The following TNPO3 variants were observed in gnomAD, a reference collection of about 807,000 sequenced individuals.
The protein encoded by TNPO3 is transportin 3, also known as transportin-3.
TNPO3 carries 65 observed loss-of-function variants against 122.8 expected under a neutral mutation model. The ratio of observed to expected loss-of-function variants is 0.53; its 90% confidence interval spans 0.43 to 0.65. The LOEUF is 0.65. Among genes scored for constraint, TNPO3 ranks in the 30% least tolerant of loss-of-function variants. The pLI is 0.00. For synonymous variants in TNPO3, 372 were observed against 411.2 expected, an observed-to-expected ratio of 0.90 and a Z score of 1.15; for missense variants, 850 against 1,136.7, an observed-to-expected ratio of 0.75 and a Z score of 3.63.
At chr7:129,013,422 C>T (rs1266863905) in intron 4 of TNPO3, among the ~76,000 whole-genome samples, 1 of 134,818 alleles carries the variant, frequency 7.4e-6, no homozygotes, top group Admixed American at 7.9e-5. Context: ...ATATAAGAAA[C>T]CCAAATAATA....
At chr7:128,963,922 A>G (rs556421914) in intron 21 of TNPO3, among the ~76,000 whole-genome samples, 19 of 152,346 alleles carry the variant, frequency 1.2e-4, no homozygotes, top group African/African-American at 4.3e-4. Flanking sequence ...ACGAAAAGAA[A>G]AGCCTCCCTT....
chr7:129,023,912 T>C (rs1015684150), intron 1 of TNPO3, among the ~76,000 whole-genome samples: 10 of 152,172 alleles, frequency 6.6e-5, no homozygotes, highest in Non-Finnish European at 1.2e-4. Flanking sequence ...ATATTAACAC[T>C]TCACAACCCA....
chr7:128,963,945 TCA>T (rs1797697631), intron 21 of TNPO3, among the ~76,000 whole-genome samples: 1 of 152,218 alleles, frequency 6.6e-6, no homozygotes, highest in Non-Finnish European at 1.5e-5. Flanking sequence ...CCTCCTAGTC[TCA>T]CTTATATATC....
intron 20 of TNPO3, among the ~76,000 whole-genome samples, chr7:128,969,847 A>G (rs1007015318): frequency 6.6e-6 from 1 of 152,246 alleles, no homozygotes; most frequent in African/African-American, 2.4e-5. Context: ...ACATTTGGGC[A>G]TCTCTCACAA....
chr7:129,023,351 G>A (rs1027040020), intron 1 of TNPO3, among the ~76,000 whole-genome samples: 6 of 151,526 alleles, frequency 4.0e-5, no homozygotes, highest in African/African-American at 9.7e-5. Flanking sequence ...ATACATACAC[G>A]TGTAGATAAT....
At position 129,000,983 on chromosome 7, in the gene TNPO3, G is replaced by A. The variant is rs531646301; in HGVS notation, c.872+76C>T. ...TCACTGAGAATCACAAATGACAGACGAATAATAAAAAGTGACTTAAAAGAA... is the reference window on the plus strand; with the variant it reads ...TCACTGAGAATCACAAATGACAGACAAATAATAAAAAGTGACTTAAAAGAA... On this transcript the variant is annotated intron_variant, in intron 6 of 22. Transcript: ENST00000265388. 2.6e-3 allele frequency: 3,882 copies of A among 1,479,972 alleles called. 8 individuals are homozygous for A. The highest frequency in any genetic ancestry group is 3.5e-3 in the Non-Finnish European group (3,768 of 1,072,896). 91.7% of individuals were successfully genotyped at this position (1,479,972 alleles called of 1,614,324 possible).
At position 129,004,873 on chromosome 7, in the gene TNPO3, G is replaced by A. The variant is rs111884970; in HGVS notation, c.696+143C>T. On this transcript the variant is annotated intron_variant, in intron 5 of 22. Transcript: ENST00000265388. Reference sequence around the variant, plus strand: ...ACTGATACTTCTAATTTGGTACCTCGTAGCAAGGAAGGAACATTGCTGCAT... The same window carrying A: ...ACTGATACTTCTAATTTGGTACCTCATAGCAAGGAAGGAACATTGCTGCAT... The A allele has an allele frequency of 2.6e-4, 186 of 718,594 alleles. 2 individuals carry two copies. The African/African-American group carries it at 2.9e-3, about 11-fold the overall frequency. The allele number at this position is 718,594 out of a possible 1,614,324, so 44.5% of individuals were successfully genotyped here. A position where few individuals can be genotyped will look rare whatever the true frequency, so the allele number is the denominator to read the frequency against.
In TNPO3 at chr7:129,015,122, C is replaced by T; in HGVS notation, c.409G>A (p.Val137Met). Residue 137 changes from valine (V) to methionine (M), a missense_variant, in exon 4 of 23, where the codon GTG becomes ATG. Val to Met is a conservative substitution (Grantham distance 21, BLOSUM62 1). Transcript: ENST00000265388. Reference protein sequence around the residue: ...QTLVEKYSNDVTSLPFLLEIL... With the variant: ...QTLVEKYSNDMTSLPFLLEIL... ...TCCAGCAAAAAAGGCAAAGAAGTCA[C>T]ATCATTGCTGTATCTGCAAAAGAAA... 6.2e-7 allele frequency: 1 copy of T among 1,610,638 alleles called. No individual in the cohort carries two copies. Among genetic ancestry groups the T allele is most frequent in the South Asian group, 1.1e-5 (1 of 89,908 alleles).
intron 1 of TNPO3, among the ~76,000 whole-genome samples, chr7:129,026,472 G>A (rs985924961): frequency 2.9e-4 from 41 of 142,626 alleles, no homozygotes; most frequent in African/African-American, 1.0e-3. Context: ...GCACAATCTC[G>A]GCTCACTGCA....
intron 1 of TNPO3, among the ~76,000 whole-genome samples, chr7:129,052,060 A>G (rs939482203): frequency 6.6e-6 from 1 of 152,204 alleles, no homozygotes; most frequent in Admixed American, 6.5e-5. Context: ...TGAACTGTCA[A>G]TCCAGATGCT....
intron 5 of TNPO3, among the ~76,000 whole-genome samples, chr7:129,002,781 G>A (rs980568132): frequency 3.3e-5 from 5 of 152,000 alleles, no homozygotes; most frequent in East Asian, 1.9e-4. Flanking sequence ...GGCCGGGCGC[G>A]GTGGCTCACG....
At chr7:129,033,134 T>A (rs894659811) in intron 1 of TNPO3, among the ~76,000 whole-genome samples, 1 of 152,136 alleles carries the variant, frequency 6.6e-6, no homozygotes, top group Admixed American at 6.6e-5. Flanking sequence ...ACAAAGTTAG[T>A]CCCTTATATC....
chr7:128,977,247 AG>A (rs1799153740), intron 16 of TNPO3, among the ~76,000 whole-genome samples: 1 of 152,230 alleles, frequency 6.6e-6, no homozygotes, highest in Admixed American at 6.5e-5. Flanking sequence ...CTTAACTGGC[AG>A]GAATTAAAAA....
chr7:129,001,608 A>T (rs1026524906), intron 5 of TNPO3, among the ~76,000 whole-genome samples: 2 of 152,216 alleles, frequency 1.3e-5, no homozygotes, highest in African/African-American at 4.8e-5. Context: ...ATAGTGATGG[A>T]TAAATGTAAT....
rs532375417 is a variant in TNPO3 at position 129,016,415 on chromosome 7, A to G, written c.395+568T>C. ...ATCTCAAAATAAAATAAAATAAATAATAAGTTATCCGTAAAATGCTTTAAT... is the reference window on the plus strand; with the variant it reads ...ATCTCAAAATAAAATAAAATAAATAGTAAGTTATCCGTAAAATGCTTTAAT... On this transcript the variant is annotated intron_variant, in intron 3 of 22. Coordinates refer to ENST00000265388, the MANE Select transcript of TNPO3 (RefSeq NM_012470.4). Among the ~76,000 whole-genome samples, 79 of 152,286 alleles carry G rather than the reference A, an allele frequency of 5.2e-4. 1 individual carries two copies. The highest frequency in any genetic ancestry group is 6.8e-3 in the Middle Eastern group (2 of 294).
At chr7:128,967,583 T>C (rs189344795) in intron 20 of TNPO3, among the ~76,000 whole-genome samples, 191 bp from the exon 21 acceptor site, 49 of 152,342 alleles carry the variant, frequency 3.2e-4, no homozygotes, top group Non-Finnish European at 1.3e-4. Context: ...GCAGTCTGCA[T>C]ATGCATGCCT....
Position 129,018,165 on chromosome 7 carries a change from C to T in TNPO3, c.121-8G>A, listed in dbSNP as rs779161597. The stretch of plus-strand genomic sequence containing the variant: ...GATCTCCCATGCATGAACCTGAAAG[C>T]GTATTAGACAAAGATGTCTTAAAGA... On this transcript the variant is annotated splice_polypyrimidine_tract_variant and splice_region_variant and intron_variant, in intron 1 of 22. Transcript: ENST00000265388. 19 of 1,613,480 alleles carry T rather than the reference C, an allele frequency of 1.2e-5. No individual in the cohort carries two copies. The highest frequency in any genetic ancestry group is 2.7e-5 in the African/African-American group (2 of 74,876).
At chr7:128,990,246 A>G in intron 10 of TNPO3, 146 bp from the exon 11 acceptor site, 1 of 890,834 alleles carries the variant, frequency 1.1e-6, no homozygotes, top group Non-Finnish European at 1.8e-6. Context: ...TTGTTATGAA[A>G]GATTTTCAAA....
At chr7:128,974,187 GA>G (rs900654538) in intron 18 of TNPO3, among the ~76,000 whole-genome samples, 1 of 148,140 alleles carries the variant, frequency 6.8e-6, no homozygotes, top group Admixed American at 6.7e-5. Context: ...AAAGAAAAAA[GA>G]AAAAAAATCA....
Sources: gnomAD v4.1 joint callset for allele counts (sites outside exome capture counted in the v4.1 genomes callset) on GRCh38, gnomAD v4.1.1 for gene constraint, MANE v1.5 for transcripts, NCBI Gene and HGNC (gene_info 2026-07-23, HGNC 2026-07-21) for gene names.